DLG2: variants seen among roughly 807,000 people sequenced by gnomAD.
DLG2 encodes discs large MAGUK scaffold protein 2.
Under a neutral mutation model 132.5 loss-of-function variants are expected in DLG2, and 45 were observed. That is an observed-to-expected ratio of 0.34 (90% CI 0.27 to 0.44). The LOEUF is 0.44. Ranked by LOEUF, DLG2 falls within the 20% of genes least tolerant of loss-of-function variation. DLG2 has a pLI of 1.00. For synonymous variants in DLG2, 424 were observed against 419.6 expected (o/e 1.01, Z -0.13); for missense variants, 1,045 against 1,196.9 (o/e 0.87, Z 1.87).
intron 9 of DLG2, among the ~76,000 whole-genome samples, chr11:84,113,854 T>A (rs935789550): frequency 6.6e-6 from 1 of 152,130 alleles, no homozygotes; most frequent in African/African-American, 2.4e-5. Flanking sequence ...GCAGCTAAAC[T>A]TTAAAGAATG....
intron 7 of DLG2, among the ~76,000 whole-genome samples, chr11:84,290,475 C>T (rs1380717945): frequency 6.6e-6 from 1 of 152,028 alleles, no homozygotes; most frequent in Non-Finnish European, 1.5e-5. Flanking sequence ...TCGCAGGGTT[C>T]TTCTGAGACT....
chr11:84,926,345 T>C (rs1367650572), intron 6 of DLG2, among the ~76,000 whole-genome samples: 1 of 152,048 alleles, frequency 6.6e-6, no homozygotes, highest in African/African-American at 2.4e-5. Flanking sequence ...GATTCAACTT[T>C]CAGGAATTTA....
At chr11:84,920,713 A>ATG (rs34997443) in intron 6 of DLG2, among the ~76,000 whole-genome samples, 89,139 of 151,056 alleles carry the variant, frequency 0.59, 26,790 homozygotes, top group South Asian at 0.67. Context: ...GTTTGTAAAT[A>ATG]TGTGTGTGTG....
intron 19 of DLG2, among the ~76,000 whole-genome samples, chr11:83,603,445 A>T (rs895274282): frequency 2.0e-5 from 3 of 152,194 alleles, no homozygotes; most frequent in Non-Finnish European, 4.4e-5. Flanking sequence ...TTTAGATTTT[A>T]TTAACAGTAT....
intron 17 of DLG2, among the ~76,000 whole-genome samples, chr11:83,809,974 G>C (rs1249273715): frequency 1.3e-5 from 2 of 152,090 alleles, no homozygotes; most frequent in Non-Finnish European, 2.9e-5. Flanking sequence ...GAAAAAGTAT[G>C]GATTTTTGGA....
chr11:85,458,948 G>A lies in DLG2; in HGVS notation c.40+139709C>T, dbSNP rs151242891. Among the ~76,000 whole-genome samples, 275 of 152,258 alleles carry A rather than the reference G, an allele frequency of 1.8e-3. 2 individuals carry two copies. Among genetic ancestry groups the A allele is most frequent in the African/African-American group, 6.3e-3 (262 of 41,554 alleles). On this transcript the variant is annotated intron_variant, in intron 3 of 27. Coordinates refer to ENST00000376104, the MANE Select transcript of DLG2 (RefSeq NM_001142699.3). ...AGAGAGCCTTTCACTTGCCTCTTGG[G>A]GTTCCAACCCAGAGAGATGTGGACC... is the stretch of plus-strand genomic sequence containing the variant.
intron 3 of DLG2, among the ~76,000 whole-genome samples, chr11:85,595,797 A>G (rs1416403899): frequency 6.6e-6 from 1 of 152,230 alleles, no homozygotes; most frequent in Non-Finnish European, 1.5e-5. Flanking sequence ...CAAAAATATT[A>G]AAAATTAATA....
chr11:85,108,888 A>G (rs929398463), intron 6 of DLG2, among the ~76,000 whole-genome samples: 1 of 152,104 alleles, frequency 6.6e-6, no homozygotes, highest in African/African-American at 2.4e-5. Flanking sequence ...CATTTCACAG[A>G]CTCCAAGAGA....
intron 8 of DLG2, among the ~76,000 whole-genome samples, chr11:84,172,446 G>A (rs926397961): frequency 2.6e-5 from 4 of 151,922 alleles, no homozygotes; most frequent in Non-Finnish European, 5.9e-5. Context: ...AAAAACTTCC[G>A]AGCTCAGCGA....
At chr11:85,205,241 A>G (rs189511159) in intron 4 of DLG2, among the ~76,000 whole-genome samples, 52 of 151,206 alleles carry the variant, frequency 3.4e-4, no homozygotes, top group Non-Finnish European at 6.0e-4. Flanking sequence ...AGCAACATGG[A>G]TAGAAATGGA....
Position 84,800,929 on chromosome 11 carries a change from A to AT in DLG2, c.358-266199dup, listed in dbSNP as rs1045218055. Among the ~76,000 whole-genome samples, 17 of 152,144 alleles carry AT rather than the reference A, an allele frequency of 1.1e-4. No homozygotes were observed. The South Asian group carries it at 2.9e-3, about 26-fold the overall frequency. ...ATAAAATCCATGATTTCCCAGGAATATTTTTGCCACCACATGGGGGTGTAG... is the reference window on the plus strand; with the variant it reads ...ATAAAATCCATGATTTCCCAGGAATATTTTTTGCCACCACATGGGGGTGTAG... On this transcript the variant is annotated intron_variant, in intron 6 of 27. Transcript: ENST00000376104.
Position 85,492,266 on chromosome 11 carries a change from T to C in DLG2, c.40+106391A>G, listed in dbSNP as rs1597880105. 2.6e-5 allele frequency among the ~76,000 whole-genome samples: 4 copies of C among 152,026 alleles called. No individual in the cohort carries two copies. In the South Asian group the frequency reaches 8.3e-4, roughly 31 times the overall value. ...AAGTAATTGCAGCAAAATTTGCCAT[T>C]AATGGCAAAAACCGCAATTACTTCT... is the stretch of plus-strand genomic sequence containing the variant. On this transcript the variant is annotated intron_variant, in intron 3 of 27. Transcript: ENST00000376104.
rs529549389 is a variant in DLG2 at position 84,883,408 on chromosome 11, A to G, written c.357+228253T>C. On this transcript the variant is annotated intron_variant, in intron 6 of 27. Transcript: ENST00000376104. The stretch of plus-strand genomic sequence containing the variant: ...GGGTTGATAGGTGCAGTACACCACC[A>G]TGGCACTTTATACCTGTATAACAAA... Among the ~76,000 whole-genome samples, 192 of 152,184 alleles carry G rather than the reference A, an allele frequency of 1.3e-3. 1 individual carries two copies. The highest frequency in any genetic ancestry group is 4.4e-3 in the African/African-American group (182 of 41,538).
At chr11:85,190,902 T>C (rs1018902971) in intron 4 of DLG2, among the ~76,000 whole-genome samples, 6 of 152,188 alleles carry the variant, frequency 3.9e-5, no homozygotes, top group Non-Finnish European at 7.3e-5. Flanking sequence ...TATACACTTC[T>C]GGTGGGAATG....
intron 6 of DLG2, among the ~76,000 whole-genome samples, chr11:84,793,093 G>A (rs1012272720): frequency 3.3e-5 from 5 of 151,960 alleles, no homozygotes; most frequent in African/African-American, 4.8e-5. Context: ...GTATCCCATA[G>A]GTTTTGGTAT....
At chr11:83,850,146 GTGTGTGTGTGTGTGTT>G (rs1257916240) in intron 16 of DLG2, among the ~76,000 whole-genome samples, 7 of 132,646 alleles carry the variant, frequency 5.3e-5, no homozygotes, top group East Asian at 2.0e-4. Context: ...GTGTGTGTGT[GTGTGTGTGTGTGTGTT>G]TTTTTACTTG....
intron 11 of DLG2, among the ~76,000 whole-genome samples, chr11:84,058,539 T>TAATAATAAC (rs1446934724): frequency 3.3e-4 from 48 of 143,326 alleles, no homozygotes; most frequent in African/African-American, 9.5e-4. Flanking sequence ...ATAATAATAA[T>TAATAATAAC]AACCACATGC....
intron 8 of DLG2, among the ~76,000 whole-genome samples, chr11:84,223,288 A>G (rs12283413): frequency 0.038 from 5,771 of 152,204 alleles, 320 homozygotes; most frequent in African/African-American, 0.13. Context: ...TGCCCTTGAT[A>G]AGACATTGAT....
At chr11:83,616,381 T>C (rs1409232019) in intron 19 of DLG2, among the ~76,000 whole-genome samples, 1 of 152,226 alleles carries the variant, frequency 6.6e-6, no homozygotes, top group East Asian at 1.9e-4. Flanking sequence ...AAACACTTGG[T>C]ATGAACAGTC....
Sources: gnomAD v4.1 joint callset for allele counts (sites outside exome capture counted in the v4.1 genomes callset) on GRCh38, gnomAD v4.1.1 for gene constraint, MANE v1.5 for transcripts, NCBI Gene and HGNC (gene_info 2026-07-23, HGNC 2026-07-21) for gene names.